TTC28: variants seen among roughly 807,000 people sequenced by gnomAD.
TTC28 encodes tetratricopeptide repeat protein 28.
In TTC28, 61 loss-of-function variants were observed where a neutral mutation model predicts 198.0. The ratio of observed to expected loss-of-function variants is 0.31; its 90% CI spans 0.25 to 0.38. TTC28 has a LOEUF of 0.38. TTC28 is among the 10% of genes least tolerant of loss of function. The pLI is 1.00. For synonymous variants in TTC28, 1,171 were observed against 1,297.8 expected, an observed-to-expected ratio of 0.90 and a Z score of 2.10; for missense variants, 2,678 against 3,164.0, an observed-to-expected ratio of 0.85 and a Z score of 3.69.
intron 12 of TTC28, among the ~76,000 whole-genome samples, chr22:28,063,800 T>C (rs537318113): frequency 6.6e-6 from 1 of 152,116 alleles, no homozygotes; most frequent in African/African-American, 2.4e-5. Flanking sequence ...TGGATGAAGA[T>C]ATTATCCCAA....
At chr22:28,190,128 C>T (rs1440508925) in intron 5 of TTC28, among the ~76,000 whole-genome samples, 1 of 152,186 alleles carries the variant, frequency 6.6e-6, no homozygotes, top group Admixed American at 6.5e-5. Context: ...AGATTCAAAG[C>T]CAAGCTGGCT....
At chr22:28,483,629 G>C (rs1320922522) in intron 2 of TTC28, among the ~76,000 whole-genome samples, 1 of 152,014 alleles carries the variant, frequency 6.6e-6, no homozygotes, top group African/African-American at 2.4e-5. Context: ...GAATTTTCTT[G>C]ATCACCAGTA....
At chr22:28,088,546 A>G (rs1275312155) in intron 12 of TTC28, among the ~76,000 whole-genome samples, 1 of 151,354 alleles carries the variant, frequency 6.6e-6, no homozygotes, top group African/African-American at 2.4e-5. Flanking sequence ...GTTAGACCTA[A>G]AACCATAAAA....
At chr22:28,551,981 C>A (rs5752756) in intron 2 of TTC28, among the ~76,000 whole-genome samples, 150,633 of 152,270 alleles carry the variant, frequency 0.99, 74,533 homozygotes, top group Middle Eastern at 1. Flanking sequence ...AGAGAACCCT[C>A]AAGATTCATC....
chr22:28,207,069 A>T (rs1926469257), intron 5 of TTC28, among the ~76,000 whole-genome samples: 1 of 152,110 alleles, frequency 6.6e-6, no homozygotes. Flanking sequence ...TGTAAATGAC[A>T]TTTAGATTGT....
intron 2 of TTC28, among the ~76,000 whole-genome samples, chr22:28,508,943 G>A (rs991710853): frequency 5.9e-5 from 9 of 152,084 alleles, no homozygotes; most frequent in Non-Finnish European, 1.0e-4. Flanking sequence ...TGTAATCCCA[G>A]CATTTTGGGA....
intron 6 of TTC28, among the ~76,000 whole-genome samples, chr22:28,119,413 A>T (rs567756226): frequency 6.6e-6 from 1 of 152,346 alleles, no homozygotes; most frequent in South Asian, 2.1e-4. Context: ...ATATTTCCTA[A>T]GTAAGTATCA....
intron 2 of TTC28, among the ~76,000 whole-genome samples, chr22:28,497,759 G>A (rs746614913): frequency 2.6e-5 from 4 of 152,072 alleles, no homozygotes; most frequent in Non-Finnish European, 5.9e-5. Context: ...TGCTAAAACT[G>A]AAAAATAAGT....
Position 28,648,890 on chromosome 22 carries a change from C to T in TTC28, c.103-19060G>A, listed in dbSNP as rs1486904148. 2.0e-5 allele frequency among the ~76,000 whole-genome samples: 3 copies of T among 150,390 alleles called. No homozygotes were observed. In the Admixed American group the frequency reaches 2.0e-4, roughly 10 times the overall value. ...CGCCATTGCACTCCAGTCTGGGAAACAGAGCGAAACCTTGTCTCAAAAAAA... is the reference window on the plus strand; with the variant it reads ...CGCCATTGCACTCCAGTCTGGGAAATAGAGCGAAACCTTGTCTCAAAAAAA... On this transcript the variant is annotated intron_variant, in intron 1 of 22. Transcript: ENST00000397906.
chr22:28,173,661 T>A (rs950502034), intron 5 of TTC28, among the ~76,000 whole-genome samples: 28 of 152,230 alleles, frequency 1.8e-4, no homozygotes, highest in Non-Finnish European at 4.4e-5. Context: ...ATCTGACAAG[T>A]TAGATTCATG....
chr22:28,503,597 A>G (rs889630333), intron 2 of TTC28, among the ~76,000 whole-genome samples: 1 of 152,144 alleles, frequency 6.6e-6, no homozygotes, highest in African/African-American at 2.4e-5. Flanking sequence ...TTTATGATGA[A>G]CTCTAAACTT....
chr22:28,539,191 T>C (rs1369606779), intron 2 of TTC28, among the ~76,000 whole-genome samples: 1 of 151,840 alleles, frequency 6.6e-6, no homozygotes, highest in Non-Finnish European at 1.5e-5. Context: ...TGGCAGGAAG[T>C]TAGGAATTGA....
chr22:28,207,833 T>C (rs1422221608), intron 5 of TTC28, among the ~76,000 whole-genome samples: 1 of 151,980 alleles, frequency 6.6e-6, no homozygotes, highest in Admixed American at 6.5e-5. Context: ...ATGAATCACA[T>C]AGACTGTAAA....
At chr22:28,624,194 C>T (rs886772515) in intron 2 of TTC28, among the ~76,000 whole-genome samples, 109 of 152,010 alleles carry the variant, frequency 7.2e-4, no homozygotes, top group African/African-American at 2.3e-3. Context: ...CTGGCTAACA[C>T]GGTGAAACCC....
chr22:28,283,325 TACACACAC>T (rs35766225), intron 5 of TTC28, among the ~76,000 whole-genome samples: 2 of 149,540 alleles, frequency 1.3e-5, no homozygotes, highest in Non-Finnish European at 1.5e-5. Flanking sequence ...CTTTCTCTCT[TACACACAC>T]ACACACACAC....
At chr22:28,569,664 TG>T (rs2050031231) in intron 2 of TTC28, among the ~76,000 whole-genome samples, 1 of 152,120 alleles carries the variant, frequency 6.6e-6, no homozygotes, top group Admixed American at 6.6e-5. Flanking sequence ...GATTTCATGA[TG>T]AAGACTCCAA....
chr22:28,302,576 A>G (rs2045048121), intron 3 of TTC28, among the ~76,000 whole-genome samples: 1 of 152,230 alleles, frequency 6.6e-6, no homozygotes, highest in Non-Finnish European at 1.5e-5. Context: ...AGAGAAAGGA[A>G]GCAACCTTGC....
At chr22:28,190,780 C>T (rs957966905) in intron 5 of TTC28, among the ~76,000 whole-genome samples, 4 of 152,174 alleles carry the variant, frequency 2.6e-5, no homozygotes, top group African/African-American at 4.8e-5. Context: ...CACATCTAAA[C>T]ACATTTCACT....
chr22:28,432,023 T>G (rs1462881632), intron 2 of TTC28, among the ~76,000 whole-genome samples: 1 of 149,814 alleles, frequency 6.7e-6, no homozygotes, highest in East Asian at 2.0e-4. Context: ...CAGTGGCTCA[T>G]GCCTGTAATC....
Sources: allele counts gnomAD v4.1 joint callset (sites outside exome capture counted in the v4.1 genomes callset), GRCh38; gene constraint gnomAD v4.1.1; transcripts MANE v1.5; gene names NCBI Gene and HGNC (gene_info 2026-07-23, HGNC 2026-07-21).